Variants in DPP6 observed in about 807,000 individuals in gnomAD.
DPP6 encodes dipeptidyl peptidase like 6.
DPP6 carries 69 observed loss-of-function variants against 122.6 expected under a neutral mutation model. The observed-to-expected ratio is 0.56, with a 90% CI of 0.46 to 0.69. The LOEUF is 0.69. Ranked by LOEUF, DPP6 falls within the 30% of genes least tolerant of loss-of-function variation. The pLI is 0.00. For synonymous variants in DPP6, 418 were observed against 433.1 expected, an observed-to-expected ratio of 0.97 and a Z score of 0.43; for missense variants, 928 against 1,116.9, an observed-to-expected ratio of 0.83 and a Z score of 2.41.
intron 1 of DPP6, among the ~76,000 whole-genome samples, chr7:154,243,220 A>C (rs955502550): frequency 6.6e-6 from 1 of 152,208 alleles, no homozygotes; most frequent in African/African-American, 2.4e-5. Flanking sequence ...CCAGAATAAA[A>C]TTTTTTTAAA....
intron 3 of DPP6, among the ~76,000 whole-genome samples, chr7:154,533,430 G>C (rs781116362): frequency 2.0e-5 from 3 of 152,154 alleles, no homozygotes; most frequent in Non-Finnish European, 2.9e-5. Context: ...TAAAGAACTT[G>C]CATCTGTAAT....
intron 5 of DPP6, among the ~76,000 whole-genome samples, chr7:154,575,052 TGTG>T (rs1221781854): frequency 1.5e-5 from 2 of 132,196 alleles, no homozygotes; most frequent in Non-Finnish European, 3.2e-5. Context: ...GTGTGGTGTG[TGTG>T]GTGTGTTTGG....
intron 2 of DPP6, among the ~76,000 whole-genome samples, chr7:154,458,346 C>A (rs1015225951): frequency 2.6e-5 from 4 of 152,136 alleles, no homozygotes; most frequent in Admixed American, 2.6e-4. Flanking sequence ...GTAAGATGTG[C>A]CTTTGCTCCT....
chr7:154,664,088 C>T lies in DPP6; in HGVS notation c.681-5272C>T, dbSNP rs1394192699. 4.2e-5 allele frequency among the ~76,000 whole-genome samples: 5 copies of T among 118,780 alleles called. 1 individual carries two copies. Among genetic ancestry groups the T allele is most frequent in the African/African-American group, 1.3e-4 (5 of 38,122 alleles). The allele number at this position is 118,780 out of a possible 152,430, so 77.9% of individuals were successfully genotyped here. A position where few individuals can be genotyped will look rare whatever the true frequency, so the allele number is the denominator to read the frequency against. The stretch of plus-strand genomic sequence containing the variant: ...ATATAGTCATGGTGAATCACCATGG[C>T]GTATCGGCCGTAGTGTTCATATAGT... On this transcript the variant is annotated intron_variant, in intron 6 of 25. Coordinates refer to ENST00000377770, the MANE Select transcript of DPP6 (RefSeq NM_130797.4).
At chr7:153,936,703 C>G (rs1243969021) in intron 1 of DPP6, among the ~76,000 whole-genome samples, 1 of 151,710 alleles carries the variant, frequency 6.6e-6, no homozygotes, top group African/African-American at 2.4e-5. Flanking sequence ...CCCAGCTACT[C>G]GGGAGGCTGA....
At chr7:154,092,616 T>C (rs1486338616) in intron 1 of DPP6, 1 of 151,976 alleles carries the variant, frequency 6.6e-6, no homozygotes, top group African/African-American at 2.4e-5. Context: ...GTCCTTGCCA[T>C]GCATCCTATC....
chr7:154,210,614 ACAGT>A (rs957271194), intron 1 of DPP6, among the ~76,000 whole-genome samples: 6 of 152,188 alleles, frequency 3.9e-5, no homozygotes, highest in Admixed American at 2.6e-4. Flanking sequence ...AATAGAAGAC[ACAGT>A]CAGCAAAACA....
At chr7:154,020,811 G>A (rs558393291) in intron 1 of DPP6, among the ~76,000 whole-genome samples, 7 of 152,224 alleles carry the variant, frequency 4.6e-5, no homozygotes, top group South Asian at 2.1e-4. Flanking sequence ...GGGGCAAAGC[G>A]GCAAGAGAAA....
At chr7:154,226,121 G>T (rs1466224069) in intron 1 of DPP6, among the ~76,000 whole-genome samples, 7 of 152,154 alleles carry the variant, frequency 4.6e-5, no homozygotes, top group Non-Finnish European at 8.8e-5. Context: ...TGGAGAAGTG[G>T]GAGGAAGAGG....
intron 1 of DPP6, chr7:153,887,880 C>T: frequency 3.8e-6 from 3 of 794,572 alleles, no homozygotes; most frequent in Non-Finnish European, 3.7e-6. Flanking sequence ...CTCCCACTTC[C>T]CACCCGAGCC....
chr7:153,901,558 C>A (rs1046127905), intron 1 of DPP6, among the ~76,000 whole-genome samples: 2 of 152,164 alleles, frequency 1.3e-5, no homozygotes, highest in African/African-American at 4.8e-5. Flanking sequence ...ATTGATAGGT[C>A]AACTAATGAT....
intron 1 of DPP6, among the ~76,000 whole-genome samples, chr7:153,957,537 T>C (rs1212652994): frequency 6.6e-6 from 1 of 152,144 alleles, no homozygotes; most frequent in African/African-American, 2.4e-5. Flanking sequence ...TCATATGAGA[T>C]GCAAACTCCT....
chr7:154,750,545 T>C (rs2131459725), intron 8 of DPP6, among the ~76,000 whole-genome samples: 1 of 152,302 alleles, frequency 6.6e-6, no homozygotes, highest in East Asian at 1.9e-4. Context: ...CCCTGGGCGA[T>C]GCTCACGGAG....
chr7:153,820,304 A>C, the DPP6 span, among the ~76,000 whole-genome samples: 2 of 152,256 alleles, frequency 1.3e-5, no homozygotes, highest in Non-Finnish European at 2.9e-5. Flanking sequence ...TGATGGGTAC[A>C]TTACTTAAGG....
intron 2 of DPP6, among the ~76,000 whole-genome samples, chr7:154,449,305 C>T (rs1820149120): frequency 6.6e-6 from 1 of 151,692 alleles, no homozygotes. Flanking sequence ...GACAAATGGC[C>T]AAAAAGCATA....
intron 16 of DPP6, among the ~76,000 whole-genome samples, chr7:154,820,179 C>T (rs1243302506): frequency 2.6e-5 from 4 of 152,200 alleles, no homozygotes; most frequent in African/African-American, 7.2e-5. Flanking sequence ...GAGAGTATAG[C>T]CAACAGGGCA....
chr7:154,854,650 G>T (rs1210839315), intron 17 of DPP6, among the ~76,000 whole-genome samples: 1 of 152,186 alleles, frequency 6.6e-6, no homozygotes, highest in Non-Finnish European at 1.5e-5. Flanking sequence ...ACTCAGAGGA[G>T]CCTCACTCAA....
At chr7:154,874,310 C>A (rs1804669300) in intron 19 of DPP6, among the ~76,000 whole-genome samples, 1 of 152,196 alleles carries the variant, frequency 6.6e-6, no homozygotes, top group African/African-American at 2.4e-5. Flanking sequence ...AAACAATTCT[C>A]CTTCCCTTCA....
intron 16 of DPP6, among the ~76,000 whole-genome samples, chr7:154,824,901 C>T (rs1278728462): frequency 2.0e-5 from 3 of 152,190 alleles, no homozygotes; most frequent in Admixed American, 2.0e-4. Flanking sequence ...CGGTCTCTGA[C>T]AGGAACCGTT....
Sources: gnomAD v4.1 joint callset for allele counts (sites outside exome capture counted in the v4.1 genomes callset) on GRCh38, gnomAD v4.1.1 for gene constraint, MANE v1.5 for transcripts, NCBI Gene and HGNC (gene_info 2026-07-23, HGNC 2026-07-21) for gene names.